LRRC57: variants seen among roughly 807,000 people sequenced by gnomAD.
The protein encoded by LRRC57 is leucine rich repeat containing 57.
Under a neutral mutation model 23.1 loss-of-function variants are expected in LRRC57, and 14 were observed. The ratio of observed to expected loss-of-function variants is 0.61; its 90% CI spans 0.40 to 0.95. The LOEUF is 0.95. Among genes scored for constraint, LRRC57 ranks in the 40% least tolerant of loss-of-function variants. The pLI is 0.00. For missense variants in LRRC57, 236 were observed against 284.4 expected, an observed-to-expected ratio of 0.83 and a Z score of 1.22; for synonymous variants, 106 against 115.2, an observed-to-expected ratio of 0.92 and a Z score of 0.51.
chr15:42,530,540 G>A, the LRRC57 span, among the ~76,000 whole-genome samples: 48 of 152,258 alleles, frequency 3.2e-4, no homozygotes, highest in African/African-American at 1.1e-3. Context: ...CAGGAGGATT[G>A]CTTGAGCTCA....
downstream of LRRC57, among the ~76,000 whole-genome samples, chr15:42,534,679 G>GATATATTAGCTGTA (rs2057591649): frequency 2.6e-5 from 4 of 152,090 alleles, no homozygotes; most frequent in Non-Finnish European, 5.9e-5. Context: ...TTGATCCAAG[G>GATATATTAGCTGTA]GCTGTAGAAT....
At chr15:42,528,688 T>C in the LRRC57 span, among the ~76,000 whole-genome samples, 1 of 152,050 alleles carries the variant, frequency 6.6e-6, no homozygotes, top group Non-Finnish European at 1.5e-5. Flanking sequence ...CAGGTTCAAG[T>C]TATTCTCCTG....
In LRRC57 at chr15:42,543,250, A is replaced by T. The variant is rs1172309316; in HGVS notation, c.*833T>A. The T allele has an allele frequency of 6.6e-6, 1 of 150,988 alleles. No individual in the cohort carries two copies. The highest frequency in any genetic ancestry group is 1.9e-4 in the East Asian group (1 of 5,142). The allele number at this position is 150,988 out of a possible 1,614,324, so 9.4% of individuals were successfully genotyped here. A position where few individuals can be genotyped will look rare whatever the true frequency, so the allele number is the denominator to read the frequency against. ...AGTCTCACTCTGTCACCCACGCTGG[A>T]GTACAGTGGCATAATCTCGGCTCAC... On this transcript the variant is annotated 3_prime_UTR_variant, in exon 6 of 6. Coordinates refer to ENST00000397130, the MANE Select transcript of LRRC57 (RefSeq NM_153260.3).
chr15:42,529,291 CTG>C, the LRRC57 span, among the ~76,000 whole-genome samples: 2 of 152,210 alleles, frequency 1.3e-5, no homozygotes, highest in Non-Finnish European at 2.9e-5. Context: ...ATAGACTTAA[CTG>C]TGCATTAGAA....
chr15:42,529,751 G>A, the LRRC57 span: 1 of 1,614,106 alleles, frequency 6.2e-7, no homozygotes, highest in Admixed American at 1.7e-5. Context: ...AAATCTAAAA[G>A]ACATGGCCCT....
chr15:42,543,921 A>G lies in LRRC57; in HGVS notation c.*162T>C. ...TTTTTCTTTTAGCTTATTTGAGAAGAGCCCTGAAATGAGAAAAGATCATTG... is the reference window on the plus strand; with the variant it reads ...TTTTTCTTTTAGCTTATTTGAGAAGGGCCCTGAAATGAGAAAAGATCATTG... On this transcript the variant is annotated 3_prime_UTR_variant, in exon 6 of 6. Coordinates refer to ENST00000397130, the MANE Select transcript of LRRC57 (RefSeq NM_153260.3). 1 of 526,104 alleles carries G rather than the reference A, an allele frequency of 1.9e-6. No homozygotes were observed. Among genetic ancestry groups the G allele is most frequent in the Non-Finnish European group, 3.4e-6 (1 of 295,144 alleles). The allele number at this position is 526,104 out of a possible 1,614,324, so 32.6% of individuals were successfully genotyped here.
chr15:42,531,558 T>A, the LRRC57 span: 1 of 1,103,916 alleles, frequency 9.1e-7, no homozygotes, highest in East Asian at 2.5e-5. Flanking sequence ...GAGTTTAAGT[T>A]TTCGGTTCCA....
At chr15:42,529,683 A>G in the LRRC57 span, 1 of 1,613,526 alleles carries the variant, frequency 6.2e-7, no homozygotes, top group Middle Eastern at 1.7e-4. Context: ...AGCATAACTA[A>G]TGATGCCAGA....
At chr15:42,537,227 T>TCACA (rs1389934295), downstream of LRRC57, among the ~76,000 whole-genome samples, 13 of 111,524 alleles carry the variant, frequency 1.2e-4, no homozygotes, top group Non-Finnish European at 2.1e-4. Flanking sequence ...TCTCTCTCTC[T>TCACA]CTCTCTCACA....
At position 42,547,370 on chromosome 15, in the gene LRRC57, C is replaced by T. The variant is rs758428625; in HGVS notation, c.383G>A (p.Cys128Tyr). ...CATCACATCCAGGTGCCGTAGGCTA[C>T]AAAGTTGGGGAGGTAATGCTCCCAG... The part of the protein sequence containing the change: ...NQLGALPPQL[C>Y]SLRHLDVMDL... Residue 128 changes from cysteine to tyrosine, a missense_variant, in exon 4 of 6, where the codon TGT becomes TAT. Coordinates refer to ENST00000397130, the MANE Select transcript of LRRC57 (RefSeq NM_153260.3). 6.2e-7 allele frequency: 1 copy of T among 1,614,156 alleles called. No individual in the cohort carries two copies. Among genetic ancestry groups the T allele is most frequent in the Non-Finnish European group, 8.5e-7 (1 of 1,180,026 alleles).
the LRRC57 span, chr15:42,531,371 A>C: frequency 7.4e-7 from 1 of 1,354,560 alleles, no homozygotes; most frequent in Middle Eastern, 2.6e-4. Context: ...TTTTTATTAG[A>C]GTTACTTACC....
Position 42,538,465 on chromosome 15 carries a change from C to G in LRRC57, c.*5618G>C, listed in dbSNP as rs188045216. The G allele has an allele frequency of 1.2e-3, 184 of 152,220 alleles. No homozygotes were observed. The highest frequency in any genetic ancestry group is 4.3e-3 in the African/African-American group (177 of 41,538). The allele number at this position is 152,220 out of a possible 1,614,324, so 9.4% of individuals were successfully genotyped here. ...TGGAGCCACAATCTCACATTGTTGT[C>G]CAGGCTGGCCTCAAACTCCTAGGTT... On this transcript the variant is annotated 3_prime_UTR_variant, in exon 6 of 6. Coordinates refer to ENST00000397130, the MANE Select transcript of LRRC57 (RefSeq NM_153260.3).
In LRRC57 at chr15:42,540,688, A is replaced by G. The variant is rs998357501; in HGVS notation, c.*3395T>C. Reference sequence around the variant, plus strand: ...GTTGTGGATTCTGATAAGAGTGTGGATTAAACTCCAATTAATAATTAAATG... The same window carrying G: ...GTTGTGGATTCTGATAAGAGTGTGGGTTAAACTCCAATTAATAATTAAATG... On this transcript the variant is annotated 3_prime_UTR_variant, in exon 6 of 6. Transcript: ENST00000397130. 4.6e-5 allele frequency: 7 copies of G among 152,218 alleles called. No homozygotes were observed. The highest frequency in any genetic ancestry group is 1.3e-4 in the Admixed American group (2 of 15,276). The allele number at this position is 152,218 out of a possible 1,614,324, so 9.4% of individuals were successfully genotyped here. A position where few individuals can be genotyped will look rare whatever the true frequency, so the allele number is the denominator to read the frequency against.
rs372936644 is a variant in LRRC57, at chr15:42,538,725, T to C, written c.*5358A>G. ...TGCTTTTATATAGTTTTTTGCAACA[T>C]ACCTGAGAGGTAGGAGCTATTCCCT... On this transcript the variant is annotated 3_prime_UTR_variant, in exon 6 of 6. Transcript: ENST00000397130. 7 of 152,256 alleles carry C rather than the reference T, an allele frequency of 4.6e-5. No individual in the cohort carries two copies. Among genetic ancestry groups the C allele is most frequent in the Non-Finnish European group, 1.0e-4 (7 of 68,044 alleles). The allele number at this position is 152,256 out of a possible 1,614,324, so 9.4% of individuals were successfully genotyped here.
At chr15:42,530,802 T>C in the LRRC57 span, among the ~76,000 whole-genome samples, 66 of 152,294 alleles carry the variant, frequency 4.3e-4, no homozygotes, top group African/African-American at 1.5e-3. Context: ...CAGTGAACTT[T>C]AGGGTGAGTT....
downstream of LRRC57, among the ~76,000 whole-genome samples, chr15:42,537,231 T>TCACACACA (rs777117722): frequency 0.092 from 12,079 of 131,440 alleles, 506 homozygotes; most frequent in African/African-American, 0.1. Flanking sequence ...TCTCTCTCTC[T>TCACACACA]CTCACACACA....
At chr15:42,548,067 G>C in intron 3 of LRRC57, 39 bp downstream of exon 3, 2 of 1,611,702 alleles carry the variant, frequency 1.2e-6, no homozygotes, top group Non-Finnish European at 1.7e-6. Context: ...CCTGGTAACA[G>C]CTGATCACTA....
In LRRC57 at chr15:42,541,191, C is replaced by T. The variant is rs945545600; in HGVS notation, c.*2892G>A. 2 of 151,992 alleles carry T rather than the reference C, an allele frequency of 1.3e-5. No homozygotes were observed. Among genetic ancestry groups the T allele is most frequent in the African/African-American group, 4.8e-5 (2 of 41,376 alleles). 9.4% of individuals were successfully genotyped at this position (151,992 alleles called of 1,614,324 possible). A position where few individuals can be genotyped will look rare whatever the true frequency, so the allele number is the denominator to read the frequency against. On this transcript the variant is annotated 3_prime_UTR_variant, in exon 6 of 6. Transcript: ENST00000397130. The stretch of plus-strand genomic sequence containing the variant: ...GGTATGGATAAACTAGTACCCCTTT[C>T]AAAGTGAGAAATAGAAAATGACATA...
intron 3 of LRRC57, chr15:42,547,880 T>G: frequency 1.8e-6 from 1 of 571,230 alleles, no homozygotes; most frequent in Non-Finnish European, 3.0e-6. Context: ...GTTCTTCTCT[T>G]TCAAGTCCAA....
Sources: gnomAD v4.1 joint callset for allele counts (sites outside exome capture counted in the v4.1 genomes callset) on GRCh38, gnomAD v4.1.1 for gene constraint, MANE v1.5 for transcripts, NCBI Gene and HGNC (gene_info 2026-07-23, HGNC 2026-07-21) for gene names.